Variants in BICC1 observed in about 807,000 individuals in gnomAD.
BICC1 encodes protein bicaudal C homolog 1.
A neutral mutation model predicts 111.0 loss-of-function variants in BICC1; 43 were observed. The observed-to-expected ratio is 0.39, with a 90% CI of 0.30 to 0.50. BICC1 has a LOEUF of 0.50. BICC1 is among the 20% of genes least tolerant of loss of function. BICC1 has a pLI of 0.88. For synonymous variants in BICC1, 467 were observed against 434.4 expected (o/e 1.07, Z -0.93); for missense variants, 1,091 against 1,203.2 (o/e 0.91, Z 1.38).
At chr10:58,710,351 TATA>T (rs1413378344) in intron 3 of BICC1, among the ~76,000 whole-genome samples, 3 of 152,146 alleles carry the variant, frequency 2.0e-5, no homozygotes, top group East Asian at 1.9e-4. Flanking sequence ...TTCCATAATG[TATA>T]ATAATATCTC....
At chr10:58,787,292 T>C (rs1482087498) in intron 5 of BICC1, among the ~76,000 whole-genome samples, 1 of 152,194 alleles carries the variant, frequency 6.6e-6, no homozygotes, top group Non-Finnish European at 1.5e-5. Context: ...ACTCTTGATC[T>C]TGAAATCATT....
At chr10:58,754,408 C>T (rs1430114674) in intron 3 of BICC1, among the ~76,000 whole-genome samples, 1 of 152,024 alleles carries the variant, frequency 6.6e-6, no homozygotes, top group Non-Finnish European at 1.5e-5. Flanking sequence ...CTGGATAATC[C>T]AAAAGTTGAA....
chr10:58,770,839 C>T (rs1186162303), intron 3 of BICC1, among the ~76,000 whole-genome samples: 3 of 152,042 alleles, frequency 2.0e-5, no homozygotes, highest in Non-Finnish European at 4.4e-5. Flanking sequence ...CAGAGGGATT[C>T]GGAGATTATG....
intron 1 of BICC1, among the ~76,000 whole-genome samples, chr10:58,597,753 G>A (rs1844866752): frequency 6.6e-6 from 1 of 152,028 alleles, no homozygotes. Context: ...AAAGAATTTA[G>A]CGATACCTCT....
At chr10:58,712,911 G>T (rs1481306087) in intron 3 of BICC1, among the ~76,000 whole-genome samples, 3 of 152,016 alleles carry the variant, frequency 2.0e-5, no homozygotes, top group Non-Finnish European at 4.4e-5. Flanking sequence ...ACTTGATTTT[G>T]CTCTGAGCCG....
chr10:58,686,681 C>T (rs937715019), intron 2 of BICC1, among the ~76,000 whole-genome samples: 15 of 152,112 alleles, frequency 9.9e-5, no homozygotes, highest in Admixed American at 4.6e-4. Flanking sequence ...CTTGTGCATG[C>T]GTCATGTAGT....
chr10:58,547,040 G>A (rs554548626), intron 1 of BICC1, among the ~76,000 whole-genome samples: 10 of 152,234 alleles, frequency 6.6e-5, no homozygotes, highest in Non-Finnish European at 1.2e-4. Context: ...CAGCTTTAGA[G>A]ATAAAGTTAT....
intron 3 of BICC1, among the ~76,000 whole-genome samples, chr10:58,768,552 A>G (rs1215727990): frequency 6.6e-6 from 1 of 152,210 alleles, no homozygotes; most frequent in Admixed American, 6.5e-5. Flanking sequence ...AGGCAAATTC[A>G]GAATACTCCA....
chr10:58,722,358 AT>A lies in BICC1; in HGVS notation c.307+20223del, dbSNP rs533969240. Among the ~76,000 whole-genome samples, 658 of 152,000 alleles carry A rather than the reference AT, an allele frequency of 4.3e-3. 5 individuals are homozygous for A. Among genetic ancestry groups the A allele is most frequent in the African/African-American group, 0.015 (619 of 41,462 alleles). On this transcript the variant is annotated intron_variant, in intron 3 of 20. Coordinates refer to ENST00000373886, the MANE Select transcript of BICC1 (RefSeq NM_001080512.3). The stretch of plus-strand genomic sequence containing the variant: ...AGCGGAGAAGGAATAGTGTTTATTG[AT>A]TTTTTTTCTCCTGTTGTCTATTATT...
intron 2 of BICC1, among the ~76,000 whole-genome samples, chr10:58,624,282 A>G (rs1210983194): frequency 1.3e-5 from 2 of 152,218 alleles, no homozygotes; most frequent in African/African-American, 4.8e-5. Context: ...ATACATCTGC[A>G]GTGACCCTAT....
chr10:58,703,546 G>A (rs1375310938), intron 3 of BICC1, among the ~76,000 whole-genome samples: 1 of 152,158 alleles, frequency 6.6e-6, no homozygotes, highest in Non-Finnish European at 1.5e-5. Flanking sequence ...TGGTGAATTT[G>A]CAAGTGCAAT....
chr10:58,696,079 C>G (rs1158633599), intron 2 of BICC1, among the ~76,000 whole-genome samples: 1 of 152,082 alleles, frequency 6.6e-6, no homozygotes. Flanking sequence ...ACCTTCCCTT[C>G]CTATCTCTAC....
At chr10:58,648,345 TA>T (rs1186301855) in intron 2 of BICC1, among the ~76,000 whole-genome samples, 1 of 152,204 alleles carries the variant, frequency 6.6e-6, no homozygotes, top group Non-Finnish European at 1.5e-5. Flanking sequence ...TTCACCCTTG[TA>T]CTGATCCTTC....
chr10:58,591,434 C>T (rs544672903), intron 1 of BICC1, among the ~76,000 whole-genome samples: 2 of 152,270 alleles, frequency 1.3e-5, no homozygotes, highest in Admixed American at 1.3e-4. Flanking sequence ...GATCAAGCGT[C>T]TGGCCTTCAA....
intron 1 of BICC1, among the ~76,000 whole-genome samples, chr10:58,593,029 C>T (rs1239110756): frequency 2.0e-5 from 3 of 152,094 alleles, no homozygotes; most frequent in South Asian, 2.1e-4. Flanking sequence ...TTGACTGGGA[C>T]GTTCGAGCTT....
At chr10:58,793,661 G>T (rs762380021) in intron 9 of BICC1, 46 bp downstream of exon 9, 2 of 1,591,704 alleles carry the variant, frequency 1.3e-6, no homozygotes, top group Non-Finnish European at 1.7e-6. Flanking sequence ...CATATCATAT[G>T]CTGTATAGTT....
At chr10:58,567,538 A>G (rs1649044) in intron 1 of BICC1, among the ~76,000 whole-genome samples, 6 of 150,800 alleles carry the variant, frequency 4.0e-5, no homozygotes, top group African/African-American at 9.8e-5. Flanking sequence ...GTATATATAT[A>G]TATCTCTTTT....
At chr10:58,552,589 C>T (rs1356522321) in intron 1 of BICC1, among the ~76,000 whole-genome samples, 1 of 152,126 alleles carries the variant, frequency 6.6e-6, no homozygotes, top group Non-Finnish European at 1.5e-5. Flanking sequence ...CCCGCCTCGG[C>T]GTCCCAAAGT....
At chr10:58,576,676 G>T (rs149108056) in intron 1 of BICC1, among the ~76,000 whole-genome samples, 2 of 152,232 alleles carry the variant, frequency 1.3e-5, no homozygotes, top group African/African-American at 4.8e-5. Flanking sequence ...ACAAAAGTGA[G>T]GGAGATATGT....
Sources: gnomAD v4.1 joint callset for allele counts (sites outside exome capture counted in the v4.1 genomes callset) on GRCh38, gnomAD v4.1.1 for gene constraint, MANE v1.5 for transcripts, NCBI Gene and HGNC (gene_info 2026-07-23, HGNC 2026-07-21) for gene names.